The following CAMSAP1 variants were observed in gnomAD, a reference collection of about 807,000 sequenced individuals.
CAMSAP1 encodes calmodulin-regulated spectrin-associated protein 1.
Under a neutral mutation model 143.5 loss-of-function variants are expected in CAMSAP1, and 58 were observed. The observed-to-expected ratio is 0.40, with a 90% CI of 0.33 to 0.50. The LOEUF (loss-of-function observed/expected upper bound fraction) is 0.50. CAMSAP1 is among the 20% of genes least tolerant of loss of function. CAMSAP1 has a pLI of 0.45. For missense variants in CAMSAP1, 1,969 were observed against 2,115.7 expected (o/e 0.93, Z 1.36); for synonymous variants, 945 against 859.3 (o/e 1.10, Z -1.74).
At position 135,823,217 on chromosome 9, in the gene CAMSAP1, T is replaced by C; in HGVS notation, c.1444A>G (p.Ser482Gly). 1 of 1,575,056 alleles carries C rather than the reference T, an allele frequency of 6.3e-7. No homozygotes were observed. Among genetic ancestry groups the C allele is most frequent in the Non-Finnish European group, 8.6e-7 (1 of 1,159,574 alleles). The change falls in exon 11 of 17, where the codon AGT becomes GGT. Residue 482 changes from serine (S) to glycine (G), a missense_variant. Ser to Gly is a moderately conservative substitution (Grantham distance 56, BLOSUM62 0). Coordinates refer to ENST00000389532, the MANE Select transcript of CAMSAP1 (RefSeq NM_015447.4). ...CCAGAGCTGGGATCCACTTCACAAC[T>C]CGCAGCGTGATGTAGAGCAAAAGGT... is the stretch of plus-strand genomic sequence containing the variant. ...PTPFALHHAA[S>G]CEVDPSSGDS...
In CAMSAP1 at chr9:135,853,003, G is replaced by A. The variant is rs76066138; in HGVS notation, c.809-2542C>T. The stretch of plus-strand genomic sequence containing the variant: ...AGCAGGTGAGAGTCTGATGAGAAAC[G>A]TATTCACAGTCCAAAGCCTCTCCCC... On this transcript the variant is annotated intron_variant, in intron 5 of 16. Coordinates refer to ENST00000389532, the MANE Select transcript of CAMSAP1 (RefSeq NM_015447.4). 6.1e-3 allele frequency among the ~76,000 whole-genome samples: 922 copies of A among 152,274 alleles called. 8 individuals are homozygous for A. Among genetic ancestry groups the A allele is most frequent in the Non-Finnish European group, 0.01 (696 of 68,022 alleles).
At chr9:135,863,411 A>G (rs1274748902) in intron 4 of CAMSAP1, among the ~76,000 whole-genome samples, 2 of 152,194 alleles carry the variant, frequency 1.3e-5, no homozygotes, top group Non-Finnish European at 2.9e-5. Context: ...TTCTGCATTA[A>G]CAGCCACGAT....
At position 135,824,096 on chromosome 9, in the gene CAMSAP1, C is replaced by A; in HGVS notation, c.1316-62G>T. ...AATTTTCTATCACTTGAAATTCTTT[C>A]AATATGACCATTTGTCCAGAAAAAT... is the stretch of plus-strand genomic sequence containing the variant. On this transcript the variant is annotated intron_variant, in intron 9 of 16. Coordinates refer to ENST00000389532, the MANE Select transcript of CAMSAP1 (RefSeq NM_015447.4). This position sits in a 1 kb window ranked among gnomAD's most constrained non-coding sequence, Gnocchi z 4.1. 7.1e-7 allele frequency: 1 copy of A among 1,409,930 alleles called. No homozygotes were observed. Among genetic ancestry groups the A allele is most frequent in the South Asian group, 1.2e-5 (1 of 81,142 alleles). The allele number at this position is 1,409,930 out of a possible 1,614,324, so 87.3% of individuals were successfully genotyped here. A position where few individuals can be genotyped will look rare whatever the true frequency, so the allele number is the denominator to read the frequency against.
intron 8 of CAMSAP1, among the ~76,000 whole-genome samples, chr9:135,825,676 C>T (rs1376631306): frequency 6.6e-6 from 1 of 152,192 alleles, no homozygotes; most frequent in Non-Finnish European, 1.5e-5. Flanking sequence ...GAAACAAGCG[C>T]GCTCACACTG....
intron 5 of CAMSAP1, among the ~76,000 whole-genome samples, chr9:135,853,500 G>A (rs1337154453): frequency 6.6e-6 from 1 of 152,224 alleles, no homozygotes; most frequent in Admixed American, 6.5e-5. Flanking sequence ...TTACTGGACT[G>A]GCGACAAGTT....
At position 135,882,742 on chromosome 9, in the gene CAMSAP1, G is replaced by A; in HGVS notation, c.423+74C>T. On this transcript the variant is annotated intron_variant, in intron 2 of 16. Coordinates refer to ENST00000389532, the MANE Select transcript of CAMSAP1 (RefSeq NM_015447.4). The surrounding 1 kb of genome is among the most constrained non-coding windows in gnomAD (Gnocchi z 4.9). ...CGCACACCGTGTTCACACCATCCAT[G>A]CACCAGGTGCGCCACACGAGAGCCC... The A allele has an allele frequency of 6.7e-7, 1 of 1,487,380 alleles. No individual in the cohort carries two copies. The highest frequency in any genetic ancestry group is 9.0e-7 in the Non-Finnish European group (1 of 1,114,088). 92.1% of individuals were successfully genotyped at this position (1,487,380 alleles called of 1,614,324 possible).
At chr9:135,890,863 C>G (rs938153387) in intron 1 of CAMSAP1, among the ~76,000 whole-genome samples, 2 of 152,204 alleles carry the variant, frequency 1.3e-5, no homozygotes, top group African/African-American at 4.8e-5. Context: ...AAGCAAGCTC[C>G]CAGACTCCTG....
rs187583101 is a variant in CAMSAP1, at chr9:135,875,431, G to A, written c.585+6202C>T. ...TCACCATGTTAGGCAGGCTGGTCTC[G>A]AACTCCTGACCTCAAGTGACCCACC... On this transcript the variant is annotated intron_variant, in intron 3 of 16. Coordinates refer to ENST00000389532, the MANE Select transcript of CAMSAP1 (RefSeq NM_015447.4). Among the ~76,000 whole-genome samples, 163 of 151,998 alleles carry A rather than the reference G, an allele frequency of 1.1e-3. 1 individual carries two copies. The highest frequency in any genetic ancestry group is 3.0e-3 in the African/African-American group (124 of 41,430).
At chr9:135,856,003 G>A (rs1249058537) in intron 5 of CAMSAP1, among the ~76,000 whole-genome samples, 2 of 152,144 alleles carry the variant, frequency 1.3e-5, no homozygotes, top group Non-Finnish European at 2.9e-5. Context: ...AGTGAGCCGA[G>A]ATCGTACCAC....
At chr9:135,836,582 T>G in intron 7 of CAMSAP1, 1 of 967,362 alleles carries the variant, frequency 1.0e-6, no homozygotes. Context: ...ACCACACACT[T>G]TCTACCCATT....
At position 135,811,330 on chromosome 9, in the gene CAMSAP1, C is replaced by T. The variant is rs1480137938; in HGVS notation, c.4788G>A (p.Lys1596=). 1 of 1,612,992 alleles carries T rather than the reference C, an allele frequency of 6.2e-7. No homozygotes were observed. Among genetic ancestry groups the T allele is most frequent in the South Asian group, 1.1e-5 (1 of 90,740 alleles). The part of the protein sequence containing the change: ...LWQPKRPAVP[K]KAQTRK ...GGGGTCATTTACGAGTCTGGGCCTT[C>T]TTTGGCACTGCAGGCCGCTTGGGCT... is the stretch of plus-strand genomic sequence containing the variant. The change falls in exon 17 of 17, where the codon AAG becomes AAA. Residue 1596 remains lysine (K), a synonymous_variant. Transcript: ENST00000389532. The surrounding 1 kb of genome is among the most constrained non-coding windows in gnomAD (Gnocchi z 4.9).
At chr9:135,851,231 T>C (rs1480787821) in intron 5 of CAMSAP1, among the ~76,000 whole-genome samples, 1 of 152,230 alleles carries the variant, frequency 6.6e-6, no homozygotes, top group Non-Finnish European at 1.5e-5. Flanking sequence ...CCTGTAAATA[T>C]ATACATAGAG....
rs559556174 is a variant in CAMSAP1, at chr9:135,867,678, C to T, written c.586-1142G>A. Among the ~76,000 whole-genome samples, 21 of 152,168 alleles carry T rather than the reference C, an allele frequency of 1.4e-4. No homozygotes were observed. In the East Asian group the frequency reaches 4.1e-3, roughly 29 times the overall value. Reference sequence around the variant, plus strand: ...ACATTTTAAAGGAAAATATAAATTACCAAAAAATCAAGAAGACTAAACAGA... The same window carrying T: ...ACATTTTAAAGGAAAATATAAATTATCAAAAAATCAAGAAGACTAAACAGA... On this transcript the variant is annotated intron_variant, in intron 3 of 16. Coordinates refer to ENST00000389532, the MANE Select transcript of CAMSAP1 (RefSeq NM_015447.4).
chr9:135,899,641 A>G (rs893646258), intron 1 of CAMSAP1, among the ~76,000 whole-genome samples: 2 of 152,056 alleles, frequency 1.3e-5, no homozygotes, highest in Admixed American at 1.3e-4. Flanking sequence ...CACTTTTTCC[A>G]GTCTAATTTC....
chr9:135,852,614 A>C (rs989949423), intron 5 of CAMSAP1, among the ~76,000 whole-genome samples: 2 of 152,170 alleles, frequency 1.3e-5, no homozygotes, highest in African/African-American at 4.8e-5. Flanking sequence ...CAAAGGCACC[A>C]GATTCCCTGC....
Position 135,827,555 on chromosome 9 carries a change from G to A in CAMSAP1, c.1075C>T (p.Arg359Trp), listed in dbSNP as rs1056774069. The change falls in exon 8 of 17, where the codon CGG becomes TGG. Residue 359 changes from arginine (R) to tryptophan (W), a missense_variant. This residue lies in a region of CAMSAP1 where 221 missense variants were observed against 298.2 expected (regional missense o/e 0.74). Transcript: ENST00000389532. ...GCGTTGGAGATCGGTACAGGAGGCC[G>A]GCTGCTCTTCTGGTGTAACACTGTT... is the stretch of plus-strand genomic sequence containing the variant. Reference protein sequence around the residue: ...AKTVLHQKSSRPPVPISNATK... With the variant: ...AKTVLHQKSSWPPVPISNATK... The A allele has an allele frequency of 8.1e-6, 13 of 1,602,372 alleles. No homozygotes were observed. The highest frequency in any genetic ancestry group is 4.5e-5 in the East Asian group (2 of 44,662).
chr9:135,866,479 A>G lies in CAMSAP1; in HGVS notation c.643T>C (p.Leu215=), dbSNP rs1837383354. ...EKEVKLKQQL[L]ESPAHQKVRY... The stretch of plus-strand genomic sequence containing the variant: ...ACCTTTTGATGAGCTGGACTTTCCA[A>G]TAACTGTTGTTTTAATTTAACTTCT... The change falls in exon 4 of 17, where the codon TTG becomes CTG. Residue 215 remains leucine, a synonymous_variant. Coordinates refer to ENST00000389532, the MANE Select transcript of CAMSAP1 (RefSeq NM_015447.4). 4 of 1,475,126 alleles carry G rather than the reference A, an allele frequency of 2.7e-6. No individual in the cohort carries two copies. Among genetic ancestry groups the G allele is most frequent in the East Asian group, 2.5e-5 (1 of 40,548 alleles). The allele number at this position is 1,475,126 out of a possible 1,614,324, so 91.4% of individuals were successfully genotyped here.
At chr9:135,867,595 C>CA (rs1837426117) in intron 3 of CAMSAP1, among the ~76,000 whole-genome samples, 1 of 151,764 alleles carries the variant, frequency 6.6e-6, no homozygotes, top group Non-Finnish European at 1.5e-5. Context: ...AAAAAAGCAC[C>CA]ACGTAAAAAC....
Position 135,907,007 on chromosome 9 carries a change from G to A in CAMSAP1, c.153C>T (p.Tyr51=), listed in dbSNP as rs1482971437. The change falls in exon 1 of 17, where the codon TAC becomes TAT. Residue 51 remains tyrosine, a synonymous_variant. Coordinates refer to ENST00000389532, the MANE Select transcript of CAMSAP1 (RefSeq NM_015447.4). The part of the protein sequence containing the change: ...ANLQWICAKA[Y]GRDNIPEDLR... ...GCCCCTCACCCGGCCCACCTCGGCC[G>A]TAGGCCTTGGCGCAGATCCACTGCA... The A allele has an allele frequency of 2.7e-6, 3 of 1,129,164 alleles. No individual in the cohort carries two copies. The highest frequency in any genetic ancestry group is 5.1e-5 in the East Asian group (1 of 19,616). The allele number at this position is 1,129,164 out of a possible 1,614,324, so 69.9% of individuals were successfully genotyped here. A position where few individuals can be genotyped will look rare whatever the true frequency, so the allele number is the denominator to read the frequency against.
Sources: allele counts gnomAD v4.1 joint callset (sites outside exome capture counted in the v4.1 genomes callset), GRCh38; gene constraint gnomAD v4.1.1; regional missense constraint gnomAD v4.1.1; non-coding constraint Gnocchi (gnomAD v3.1); transcripts MANE v1.5; gene names NCBI Gene and HGNC (gene_info 2026-07-23, HGNC 2026-07-21).